COLEC12: variants seen among roughly 807,000 people sequenced by gnomAD.
The protein encoded by COLEC12 is collectin-12.
Under a neutral mutation model 71.1 loss-of-function variants are expected in COLEC12, and 33 were observed. That is an observed-to-expected ratio of 0.46 (90% CI 0.35 to 0.62). The LOEUF is 0.62. Ranked by LOEUF, COLEC12 falls within the 20% of genes least tolerant of loss-of-function variation. COLEC12 has a pLI of 0.00. For missense variants in COLEC12, 765 were observed against 916.1 expected (o/e 0.84, Z 2.13); for synonymous variants, 350 against 353.0 (o/e 0.99, Z 0.10).
intron 1 of COLEC12, among the ~76,000 whole-genome samples, chr18:498,935 A>G (rs970464234): frequency 6.6e-6 from 1 of 152,216 alleles, no homozygotes. Context: ...AGTAAAAAGC[A>G]TAACAAAAGT....
chr18:479,550 T>TCACACACA (rs71174235), intron 2 of COLEC12, among the ~76,000 whole-genome samples: 5 of 149,304 alleles, frequency 3.3e-5, no homozygotes, highest in African/African-American at 1.2e-4. Context: ...TCTCTCTCTC[T>TCACACACA]CACACACACA....
chr18:472,415 C>T (rs1473147663), intron 2 of COLEC12, among the ~76,000 whole-genome samples: 1 of 152,110 alleles, frequency 6.6e-6, no homozygotes, highest in Admixed American at 6.6e-5. Flanking sequence ...TGGTGCCTCA[C>T]ATCTGCAATC....
intron 2 of COLEC12, among the ~76,000 whole-genome samples, chr18:413,976 A>G (rs1598355699): frequency 6.6e-6 from 1 of 152,304 alleles, no homozygotes; most frequent in Middle Eastern, 3.4e-3. Flanking sequence ...AGAACATATT[A>G]GTGGTTGCCA....
chr18:366,703 C>T (rs1429282742), intron 2 of COLEC12, among the ~76,000 whole-genome samples: 2 of 152,200 alleles, frequency 1.3e-5, no homozygotes, highest in African/African-American at 4.8e-5. Flanking sequence ...AGTGGGCCCT[C>T]GCTTCCAGGA....
chr18:493,165 C>T (rs771648706), intron 1 of COLEC12, among the ~76,000 whole-genome samples: 1 of 152,172 alleles, frequency 6.6e-6, no homozygotes, highest in Non-Finnish European at 1.5e-5. Flanking sequence ...CAAGACTGTG[C>T]CACTGCTCAA....
chr18:428,305 G>A (rs1916236604), intron 2 of COLEC12, among the ~76,000 whole-genome samples: 1 of 151,880 alleles, frequency 6.6e-6, no homozygotes, highest in Non-Finnish European at 1.5e-5. Flanking sequence ...TATTGATTCA[G>A]TGTTTACCAC....
intron 2 of COLEC12, among the ~76,000 whole-genome samples, chr18:467,764 A>G (rs1404353060): frequency 3.3e-5 from 5 of 152,148 alleles, no homozygotes; most frequent in Non-Finnish European, 7.3e-5. Flanking sequence ...ATACTCATAG[A>G]GTTATACGAA....
intron 2 of COLEC12, among the ~76,000 whole-genome samples, chr18:457,077 G>C (rs1439567745): frequency 6.6e-6 from 1 of 152,152 alleles, no homozygotes; most frequent in Non-Finnish European, 1.5e-5. Context: ...GCAAGGATCA[G>C]TGCAGCCAGG....
intron 2 of COLEC12, among the ~76,000 whole-genome samples, chr18:469,153 C>G (rs572805214): frequency 6.6e-6 from 1 of 152,378 alleles, no homozygotes; most frequent in Admixed American, 6.5e-5. Flanking sequence ...TTCACTTGCA[C>G]AGACGGAAAG....
At chr18:333,479 C>T (rs796097184) in intron 6 of COLEC12, 14 of 178,466 alleles carry the variant, frequency 7.8e-5, no homozygotes, top group South Asian at 6.5e-4. Context: ...TGGAATCATA[C>T]GGAACCCAGG....
intron 2 of COLEC12, among the ~76,000 whole-genome samples, chr18:474,422 T>C (rs1258754744): frequency 6.6e-6 from 1 of 152,178 alleles, no homozygotes; most frequent in African/African-American, 2.4e-5. Context: ...ACATGGAATG[T>C]GGTGTTGAAT....
intron 2 of COLEC12, among the ~76,000 whole-genome samples, chr18:466,580 G>C (rs1425637351): frequency 6.6e-6 from 1 of 152,136 alleles, no homozygotes; most frequent in East Asian, 1.9e-4. Context: ...ATTAGATGAG[G>C]AGCTTTGGTA....
intron 8 of COLEC12, among the ~76,000 whole-genome samples, chr18:323,411 G>T (rs1913762809): frequency 6.6e-6 from 1 of 152,152 alleles, no homozygotes; most frequent in South Asian, 2.1e-4. Context: ...TATGAGCCAG[G>T]TATCATCTGG....
At chr18:340,085 A>AAAAAAAAC (rs1914213704) in intron 5 of COLEC12, among the ~76,000 whole-genome samples, 1 of 151,242 alleles carries the variant, frequency 6.6e-6, no homozygotes, top group Admixed American at 6.6e-5. Context: ...AAAAAAAAAA[A>AAAAAAAAC]AAAAAACAAA....
In COLEC12 at chr18:362,496, A is replaced by G. The variant is rs983029706; in HGVS notation, c.59-4974T>C. On this transcript the variant is annotated intron_variant, in intron 2 of 9. Transcript: ENST00000400256. The surrounding 1 kb of genome is among the most constrained non-coding windows in gnomAD (Gnocchi z 4.6). Reference sequence around the variant, plus strand: ...CTAGATGGTTACAAAATAACATTCAAGAGAGATATCCCCCTGTTACCAGCC... The same window carrying G: ...CTAGATGGTTACAAAATAACATTCAGGAGAGATATCCCCCTGTTACCAGCC... 3.3e-5 allele frequency among the ~76,000 whole-genome samples: 5 copies of G among 152,004 alleles called. No individual in the cohort carries two copies. Among genetic ancestry groups the G allele is most frequent in the African/African-American group, 1.2e-4 (5 of 41,410 alleles).
chr18:459,320 T>C (rs998471670), intron 2 of COLEC12, among the ~76,000 whole-genome samples: 2 of 152,224 alleles, frequency 1.3e-5, no homozygotes, highest in Non-Finnish European at 2.9e-5. Context: ...GTCCAGTCAA[T>C]GTCAATCTGC....
intron 2 of COLEC12, among the ~76,000 whole-genome samples, chr18:403,527 G>A (rs140929135): frequency 1.1e-3 from 170 of 152,330 alleles, no homozygotes; most frequent in African/African-American, 3.7e-3. Flanking sequence ...ACAGAAGAGC[G>A]TGTGAGACAA....
chr18:457,587 CG>C (rs1467696810), intron 2 of COLEC12, among the ~76,000 whole-genome samples: 1 of 152,164 alleles, frequency 6.6e-6, no homozygotes, highest in African/African-American at 2.4e-5. Context: ...AATCTGTAAA[CG>C]ATCTTTTGGT....
intron 2 of COLEC12, among the ~76,000 whole-genome samples, chr18:443,614 G>A (rs1916587820): frequency 6.6e-6 from 1 of 152,188 alleles, no homozygotes; most frequent in Non-Finnish European, 1.5e-5. Context: ...GTAGGGTAAG[G>A]GGAGCAAGAA....
Sources: gnomAD v4.1 joint callset for allele counts (sites outside exome capture counted in the v4.1 genomes callset) on GRCh38, gnomAD v4.1.1 for gene constraint, Gnocchi (gnomAD v3.1) non-coding constraint, MANE v1.5 for transcripts, NCBI Gene and HGNC (gene_info 2026-07-23, HGNC 2026-07-21) for gene names.